STEAP4: variants seen among roughly 807,000 people sequenced by gnomAD.
STEAP4 encodes the protein STEAP4 metalloreductase.
Under a neutral mutation model 43.6 loss-of-function variants are expected in STEAP4, and 36 were observed. The ratio of observed to expected loss-of-function variants is 0.83; its 90% CI spans 0.63 to 1.09. STEAP4 has a LOEUF of 1.09. Ranked by LOEUF, STEAP4 falls within the 50% of genes least tolerant of loss-of-function variation. The pLI is 0.00. For synonymous variants in STEAP4, 191 were observed against 196.7 expected, an observed-to-expected ratio of 0.97 and a Z score of 0.24; for missense variants, 495 against 546.5, an observed-to-expected ratio of 0.91 and a Z score of 0.94.
In STEAP4 at chr7:88,278,176, G is replaced by A. The variant is rs1288546851; in HGVS notation, c.*1222C>T. Reference sequence around the variant, plus strand: ...TAAGGCTCCTTTTAGCTCATTGCTTGAGCTAGGAAGGTTAATCCCCCTGAA... The same window carrying A: ...TAAGGCTCCTTTTAGCTCATTGCTTAAGCTAGGAAGGTTAATCCCCCTGAA... On this transcript the variant is annotated 3_prime_UTR_variant, in exon 5 of 5. Coordinates refer to ENST00000380079, the MANE Select transcript of STEAP4 (RefSeq NM_024636.4). 2 of 152,042 alleles carry A rather than the reference G, an allele frequency of 1.3e-5. No individual in the cohort carries two copies. Among genetic ancestry groups the A allele is most frequent in the Non-Finnish European group, 2.9e-5 (2 of 68,022 alleles). 9.4% of individuals were successfully genotyped at this position (152,042 alleles called of 1,614,324 possible).
At position 88,289,942 on chromosome 7, in the gene STEAP4, T is replaced by C. The variant is rs182093241; in HGVS notation, c.-2-5671A>G. On this transcript the variant is annotated intron_variant, in intron 1 of 4. Transcript: ENST00000380079. ...ATCAAACCTTCAAACTGCTGAACAATGCCTTCATTATTCTACTGTAGAACT... is the reference window on the plus strand; with the variant it reads ...ATCAAACCTTCAAACTGCTGAACAACGCCTTCATTATTCTACTGTAGAACT... Among the ~76,000 whole-genome samples the C allele has an allele frequency of 1.1e-3, 161 of 152,360 alleles. 4 individuals are homozygous for C. The highest frequency in any genetic ancestry group is 3.4e-4 in the Non-Finnish European group (23 of 68,026).
intron 1 of STEAP4, among the ~76,000 whole-genome samples, chr7:88,293,802 A>G (rs1024397571): frequency 2.6e-5 from 4 of 152,048 alleles, no homozygotes; most frequent in East Asian, 1.9e-4. Flanking sequence ...CTATGTGTCT[A>G]TCCCTCTGCC....
At chr7:88,303,196 A>AC (rs1853067556) in intron 1 of STEAP4, among the ~76,000 whole-genome samples, 1 of 143,642 alleles carries the variant, frequency 7.0e-6, no homozygotes, top group Non-Finnish European at 1.6e-5. Context: ...AAAAAAAAAA[A>AC]AAAAAAAAAA....
intron 1 of STEAP4, among the ~76,000 whole-genome samples, chr7:88,291,431 G>A (rs1244617251): frequency 6.6e-6 from 1 of 150,578 alleles, no homozygotes; most frequent in East Asian, 2.0e-4. Flanking sequence ...AGGCTGTAGT[G>A]AGCCGAGATC....
intron 1 of STEAP4, among the ~76,000 whole-genome samples, chr7:88,302,358 T>C (rs550436073): frequency 2.9e-4 from 44 of 152,184 alleles, no homozygotes; most frequent in Non-Finnish European, 5.3e-4. Flanking sequence ...TTGCAATGCA[T>C]AGTGTAATGG....
intron 1 of STEAP4, 59 bp from the exon 2 acceptor site, chr7:88,284,330 A>G: frequency 8.4e-7 from 1 of 1,188,828 alleles, no homozygotes; most frequent in East Asian, 2.4e-5. Context: ...CTGGAAAATT[A>G]AAGAGAGCTA....
At position 88,279,122 on chromosome 7, in the gene STEAP4, C is replaced by A; in HGVS notation, c.*276G>T. The A allele has an allele frequency of 4.7e-6, 2 of 426,078 alleles. No homozygotes were observed. The highest frequency in any genetic ancestry group is 2.4e-5 in the South Asian group (1 of 41,766). The allele number at this position is 426,078 out of a possible 1,614,324, so 26.4% of individuals were successfully genotyped here. ...AACAAGGAAACTCTTTAGTGTGAAA[C>A]CACAAGGCTAGTCTCAATCTCAGCT... On this transcript the variant is annotated 3_prime_UTR_variant, in exon 5 of 5. Coordinates refer to ENST00000380079, the MANE Select transcript of STEAP4 (RefSeq NM_024636.4).
At chr7:88,294,081 A>AT (rs1852886303) in intron 1 of STEAP4, among the ~76,000 whole-genome samples, 1 of 152,178 alleles carries the variant, frequency 6.6e-6, no homozygotes, top group African/African-American at 2.4e-5. Context: ...TAAAAAATTA[A>AT]TTCATACAAA....
chr7:88,283,825 C>G lies in STEAP4; in HGVS notation c.445G>C (p.Ala149Pro), dbSNP rs374735177. ...AWALQSGALD[A>P]SRQVFVCGND... ...TTGTTTATTCTTACCTGCCGACTTG[C>G]ATCCAGTGCTCCTGACTGGAGAGCC... Residue 149 changes from alanine (A) to proline (P), a missense_variant, in exon 2 of 5, where the codon GCA becomes CCA. Transcript: ENST00000380079. 1.8e-5 allele frequency: 29 copies of G among 1,611,100 alleles called. No homozygotes were observed. In the African/African-American group the frequency reaches 3.2e-4, roughly 18 times the overall value.
At chr7:88,283,398 A>C in intron 2 of STEAP4, 1 of 512,032 alleles carries the variant, frequency 2.0e-6, no homozygotes, top group Non-Finnish European at 3.4e-6. Context: ...GGCACATCAC[A>C]CTTATAAAAG....
intron 1 of STEAP4, among the ~76,000 whole-genome samples, chr7:88,293,802 A>C (rs1024397571): frequency 2.0e-5 from 3 of 152,164 alleles, no homozygotes; most frequent in Non-Finnish European, 2.9e-5. Flanking sequence ...CTATGTGTCT[A>C]TCCCTCTGCC....
intron 1 of STEAP4, among the ~76,000 whole-genome samples, chr7:88,287,788 G>A (rs1852761542): frequency 6.6e-6 from 1 of 152,140 alleles, no homozygotes. Context: ...TGTAGCCAGA[G>A]GCTGCATGAC....
chr7:88,283,249 C>T lies in STEAP4; in HGVS notation c.457-81G>A, dbSNP rs1852661559. 2.6e-5 allele frequency: 35 copies of T among 1,368,358 alleles called. No individual in the cohort carries two copies. The South Asian group carries it at 5.2e-4, about 20-fold the overall frequency. The allele number at this position is 1,368,358 out of a possible 1,614,324, so 84.8% of individuals were successfully genotyped here. A position where few individuals can be genotyped will look rare whatever the true frequency, so the allele number is the denominator to read the frequency against. Reference sequence around the variant, plus strand: ...TTATTTTGAAAGGCTACAACAGCACCATGCCAAATGATGACGTAAAACAGT... The same window carrying T: ...TTATTTTGAAAGGCTACAACAGCACTATGCCAAATGATGACGTAAAACAGT... On this transcript the variant is annotated intron_variant, in intron 2 of 4. Coordinates refer to ENST00000380079, the MANE Select transcript of STEAP4 (RefSeq NM_024636.4).
At chr7:88,305,864 A>G (rs1047889352) in intron 1 of STEAP4, among the ~76,000 whole-genome samples, 1 of 152,150 alleles carries the variant, frequency 6.6e-6, no homozygotes, top group African/African-American at 2.4e-5. Context: ...TGAGATAATG[A>G]GGTTCTAGTT....
At position 88,279,540 on chromosome 7, in the gene STEAP4, C is replaced by T; in HGVS notation, c.1238G>A (p.Arg413Lys). 4.3e-6 allele frequency: 7 copies of T among 1,614,120 alleles called. No homozygotes were observed. The highest frequency in any genetic ancestry group is 5.1e-6 in the Non-Finnish European group (6 of 1,180,026). ...CACGTAGGCTGCAGGAAGATACCAT[C>T]TGAGATTTGAAGGGCTGAGGAATCT... ...GKRFLSPSNL[R>K]WYLPAAYVLG... Residue 413 changes from arginine (R) to lysine (K), a missense_variant, in exon 5 of 5, where the codon AGA (arginine) becomes AAA (lysine). Transcript: ENST00000380079.
intron 3 of STEAP4, chr7:88,282,417 G>A: frequency 1.8e-6 from 1 of 559,822 alleles, no homozygotes; most frequent in Admixed American, 3.4e-5. Context: ...AAAGTGCTGG[G>A]ATTATGGGAG....
rs765067066 is a variant in STEAP4 at position 88,284,086 on chromosome 7, C to T, written c.184G>A (p.Ala62Thr). Residue 62 changes from alanine (A) to threonine (T), a missense_variant, in exon 2 of 5, where the codon GCA (alanine) becomes ACA (threonine). Transcript: ENST00000380079. ...GCTTCTGAATAGCTCAAGACTTCTGCACCACTGGGCAGTAGGGTGGTCTTC... is the reference window on the plus strand; with the variant it reads ...GCTTCTGAATAGCTCAAGACTTCTGTACCACTGGGCAGTAGGGTGGTCTTC... The part of the protein sequence containing the change: ...PQKTTLLPSG[A>T]EVLSYSEAAK... 6.2e-6 allele frequency: 10 copies of T among 1,614,008 alleles called. No homozygotes were observed. The highest frequency in any genetic ancestry group is 8.5e-6 in the Non-Finnish European group (10 of 1,180,034).
At chr7:88,286,270 A>C (rs1174509960) in intron 1 of STEAP4, among the ~76,000 whole-genome samples, 1 of 152,248 alleles carries the variant, frequency 6.6e-6, no homozygotes, top group African/African-American at 2.4e-5. Context: ...GAGGCATATT[A>C]GAATTATAGA....
intron 1 of STEAP4, among the ~76,000 whole-genome samples, chr7:88,291,580 C>G (rs1331423360): frequency 2.6e-5 from 4 of 151,872 alleles, no homozygotes; most frequent in Admixed American, 2.0e-4. Context: ...GCATTAGGTA[C>G]TATCTAAAGA....
Sources: gnomAD v4.1 joint callset for allele counts (sites outside exome capture counted in the v4.1 genomes callset) on GRCh38, gnomAD v4.1.1 for gene constraint, MANE v1.5 for transcripts, NCBI Gene and HGNC (gene_info 2026-07-23, HGNC 2026-07-21) for gene names.